Variants in CHORDC1 observed in about 807,000 individuals in gnomAD.
The protein encoded by CHORDC1 is cysteine and histidine rich domain containing 1, also known as cysteine and histidine-rich domain-containing protein 1.
Under a neutral mutation model 48.3 loss-of-function variants are expected in CHORDC1, and 25 were observed. The ratio of observed to expected loss-of-function variants is 0.52; its 90% confidence interval spans 0.38 to 0.72. CHORDC1 has a LOEUF of 0.72. Ranked by LOEUF, CHORDC1 falls within the 30% of genes least tolerant of loss-of-function variation. CHORDC1 has a pLI of 0.00. For synonymous variants in CHORDC1, 128 were observed against 126.4 expected (o/e 1.01, Z -0.09); for missense variants, 317 against 388.7 (o/e 0.82, Z 1.55).
At chr11:90,206,594 C>A in intron 6 of CHORDC1, 1 of 358,820 alleles carries the variant, frequency 2.8e-6, no homozygotes, top group Non-Finnish European at 5.3e-6. Context: ...GGGATTAATA[C>A]TCTCAATAAA....
rs1332917255 is a variant in CHORDC1, at chr11:90,219,473, TGTGACATGCTC to T, written c.65-1300_65-1290del. On this transcript the variant is annotated intron_variant, in intron 1 of 10. Transcript: ENST00000320585. ...GCCATCAACAAAATCTCTGCAGCAC[TGTGACATGCTC>T]GTGACGGCTTTGATGCCCAGGCTAG... is the stretch of plus-strand genomic sequence containing the variant. 3.0e-4 allele frequency among the ~76,000 whole-genome samples: 45 copies of T among 152,322 alleles called. 1 individual carries two copies. The East Asian group carries it at 7.9e-3, about 27-fold the overall frequency.
intron 4 of CHORDC1, chr11:90,213,683 A>G (rs1857929338): frequency 4.4e-6 from 2 of 454,616 alleles, no homozygotes; most frequent in African/African-American, 4.0e-5. Context: ...ATGCCATGAA[A>G]AGGAAAACTG....
Position 90,203,321 on chromosome 11 carries a change from G to A in CHORDC1, c.776C>T (p.Ala259Val), listed in dbSNP as rs1857587230. 2 of 1,592,440 alleles carry A rather than the reference G, an allele frequency of 1.3e-6. No homozygotes were observed. Among genetic ancestry groups the A allele is most frequent in the Non-Finnish European group, 1.7e-6 (2 of 1,165,596 alleles). The part of the protein sequence containing the change: ...NSLPELSRVE[A>V]NSTLLNVHIV... ...AGATGTACTTACCAATGTGCTATTTGCTTCTACTCGGCTAAGTTCTGGAAG... is the reference window on the plus strand; with the variant it reads ...AGATGTACTTACCAATGTGCTATTTACTTCTACTCGGCTAAGTTCTGGAAG... Residue 259 changes from alanine (A) to valine (V), a missense_variant, in exon 9 of 11, where the codon GCA becomes GTA. Transcript: ENST00000320585.
intron 2 of CHORDC1, among the ~76,000 whole-genome samples, chr11:90,217,377 T>G (rs1858040082): frequency 6.6e-6 from 1 of 152,220 alleles, no homozygotes; most frequent in Non-Finnish European, 1.5e-5. Context: ...TGTATCATAC[T>G]ATCATGAATT....
At position 90,211,210 on chromosome 11, in the gene CHORDC1, CT is replaced by C; in HGVS notation, c.433+4del. The C allele has an allele frequency of 6.5e-7, 1 of 1,531,014 alleles. No homozygotes were observed. Among genetic ancestry groups the C allele is most frequent in the Non-Finnish European group, 9.0e-7 (1 of 1,109,468 alleles). The allele number at this position is 1,531,014 out of a possible 1,614,324, so 94.8% of individuals were successfully genotyped here. A position where few individuals can be genotyped will look rare whatever the true frequency, so the allele number is the denominator to read the frequency against. On this transcript the variant is annotated splice_donor_region_variant and intron_variant, in intron 5 of 10. Coordinates refer to ENST00000320585, the MANE Select transcript of CHORDC1 (RefSeq NM_012124.3). ...AATTAACAATAAAACAAAATAAAAT[CT>C]TACCTTTCTTATTTTCTTCATTCCC...
chr11:90,219,601 G>T (rs538672390), intron 1 of CHORDC1, among the ~76,000 whole-genome samples: 2 of 152,304 alleles, frequency 1.3e-5, no homozygotes, highest in African/African-American at 4.8e-5. Flanking sequence ...ACAAACAATA[G>T]CATGAGCCAT....
At chr11:90,203,525 C>A in intron 8 of CHORDC1, 98 bp from the exon 9 acceptor site, 8 of 1,159,374 alleles carry the variant, frequency 6.9e-6, no homozygotes, top group Admixed American at 4.5e-5. Context: ...CTACCATGCA[C>A]AACAACTAAG....
chr11:90,222,612 G>T, intron 1 of CHORDC1: 1 of 657,086 alleles, frequency 1.5e-6, no homozygotes, highest in Non-Finnish European at 2.8e-6. Flanking sequence ...TAAAAGGAGT[G>T]CGGGGACGAC....
intron 1 of CHORDC1, among the ~76,000 whole-genome samples, chr11:90,221,232 A>T (rs1001749015): frequency 5.9e-5 from 9 of 152,154 alleles, no homozygotes; most frequent in Non-Finnish European, 1.3e-4. Context: ...ACCTCTTCCT[A>T]AAAAACCTCC....
chr11:90,215,374 C>T (rs1022206589), intron 2 of CHORDC1, 144 bp from the exon 3 acceptor site: 2 of 463,584 alleles, frequency 4.3e-6, no homozygotes, highest in Non-Finnish European at 7.8e-6. Context: ...ATATAATTCA[C>T]CTAATCAAGT....
In CHORDC1 at chr11:90,200,643, T is replaced by C. The variant is rs750879258; in HGVS notation, c.*1762A>G. Reference sequence around the variant, plus strand: ...CCAGACTAAATATAAAAGCTACATATGTATGTGTGTGTGTGTGTGTATAAA... The same window carrying C: ...CCAGACTAAATATAAAAGCTACATACGTATGTGTGTGTGTGTGTGTATAAA... On this transcript the variant is annotated 3_prime_UTR_variant, in exon 11 of 11. Coordinates refer to ENST00000320585, the MANE Select transcript of CHORDC1 (RefSeq NM_012124.3). Among the ~76,000 whole-genome samples, 5 of 139,758 alleles carry C rather than the reference T, an allele frequency of 3.6e-5. No homozygotes were observed. The highest frequency in any genetic ancestry group is 1.3e-4 in the African/African-American group (5 of 39,016). 91.7% of individuals were successfully genotyped at this position (139,758 alleles called of 152,430 possible).
At chr11:90,211,372 G>A (rs768302598) in intron 4 of CHORDC1, 54 bp from the exon 5 acceptor site, 7 of 1,136,440 alleles carry the variant, frequency 6.2e-6, no homozygotes, top group Non-Finnish European at 9.2e-6. Flanking sequence ...ATATTTCTTT[G>A]TACTCCAAAT....
intron 8 of CHORDC1, among the ~76,000 whole-genome samples, chr11:90,205,057 T>C (rs1857640427): frequency 6.6e-6 from 1 of 151,996 alleles, no homozygotes; most frequent in Non-Finnish European, 1.5e-5. Context: ...TTTGTGCATC[T>C]GTAAATGATT....
intron 6 of CHORDC1, 107 bp downstream of exon 6, chr11:90,210,429 A>C: frequency 1.4e-6 from 1 of 703,836 alleles, no homozygotes; most frequent in Non-Finnish European, 2.5e-6. Context: ...CATAATGTTC[A>C]ATATATAATA....
At position 90,205,439 on chromosome 11, in the gene CHORDC1, AT is replaced by A; in HGVS notation, c.669+20del. The stretch of plus-strand genomic sequence containing the variant: ...CAGATGAATATAAACCCAGTGTGCT[AT>A]TTTTGGAAGAGTTACTTACAGCATC... On this transcript the variant is annotated intron_variant, in intron 8 of 10. Transcript: ENST00000320585. The A allele has an allele frequency of 7.0e-6, 9 of 1,293,318 alleles. No homozygotes were observed. The highest frequency in any genetic ancestry group is 9.9e-6 in the Non-Finnish European group (9 of 908,902). 80.1% of individuals were successfully genotyped at this position (1,293,318 alleles called of 1,614,324 possible).
chr11:90,202,615 T>C, intron 10 of CHORDC1, 64 bp from the exon 11 acceptor site: 5 of 1,554,232 alleles, frequency 3.2e-6, no homozygotes, highest in Non-Finnish European at 4.4e-6. Flanking sequence ...GAGGAAAACA[T>C]CAGACTTGCT....
rs747288530 is a variant in CHORDC1 at position 90,202,413 on chromosome 11, T to C, written c.991A>G (p.Thr331Ala). The change falls in exon 11 of 11, where the codon ACA becomes GCA. Residue 331 changes from threonine (T) to alanine (A), a missense_variant. Thr to Ala is a moderately conservative substitution (Grantham distance 58). Transcript: ENST00000320585. ...KKQEKQKDAT[T>A]D is the part of the protein sequence containing the mutation. ...TTCCTTCCATCTCCCACTCAATCTG[T>C]TGTGGCATCTTTTTGTTTTTCCTGC... 6.2e-7 allele frequency: 1 copy of C among 1,611,610 alleles called. No homozygotes were observed. The highest frequency in any genetic ancestry group is 1.7e-5 in the Admixed American group (1 of 59,998).
chr11:90,218,646 T>C (rs1411808318), intron 1 of CHORDC1, among the ~76,000 whole-genome samples: 1 of 152,222 alleles, frequency 6.6e-6, no homozygotes, highest in African/African-American at 2.4e-5. Context: ...TAAAGATTTT[T>C]TGCAGTATCT....
chr11:90,220,292 T>C (rs1017737064), intron 1 of CHORDC1, among the ~76,000 whole-genome samples: 6 of 152,216 alleles, frequency 3.9e-5, no homozygotes, highest in Admixed American at 6.5e-5. Flanking sequence ...ATGTGCTGCA[T>C]AGATACTAGC....
Sources: allele counts gnomAD v4.1 joint callset (sites outside exome capture counted in the v4.1 genomes callset), GRCh38; gene constraint gnomAD v4.1.1; transcripts MANE v1.5; gene names NCBI Gene and HGNC (gene_info 2026-07-23, HGNC 2026-07-21).